The following HYCC1 variants were observed in gnomAD, a reference collection of about 807,000 sequenced individuals.
HYCC1 encodes the protein hyccin PI4KA lipid kinase complex subunit 1.
chr7:22,973,097 T>A, the HYCC1 span, among the ~76,000 whole-genome samples: 1 of 152,196 alleles, frequency 6.6e-6, no homozygotes, highest in Non-Finnish European at 1.5e-5. Flanking sequence ...AAAACAACTA[T>A]CACATGGCAA....
the HYCC1 span, among the ~76,000 whole-genome samples, chr7:22,970,641 T>C: frequency 6.6e-6 from 1 of 152,224 alleles, no homozygotes; most frequent in Non-Finnish European, 1.5e-5. Flanking sequence ...CAAAATAATC[T>C]AGTCCTATCC....
At chr7:22,960,174 T>G in the HYCC1 span, 2 of 1,392,628 alleles carry the variant, frequency 1.4e-6, no homozygotes, top group Non-Finnish European at 2.0e-6. Context: ...TTACTGAAGT[T>G]AGAAGTTATA....
chr7:22,961,197 TA>T, the HYCC1 span: 1 of 1,329,968 alleles, frequency 7.5e-7, no homozygotes, highest in Non-Finnish European at 1.1e-6. Context: ...TGAGAAATCT[TA>T]AATTATAACA....
At chr7:22,981,735 A>G in the HYCC1 span, among the ~76,000 whole-genome samples, 1 of 152,254 alleles carries the variant, frequency 6.6e-6, no homozygotes, top group Admixed American at 6.5e-5. Flanking sequence ...TATTGTTACA[A>G]GATCCAAGTG....
chr7:22,982,291 G>A, the HYCC1 span, among the ~76,000 whole-genome samples: 308 of 152,248 alleles, frequency 2.0e-3, 1 homozygote, highest in African/African-American at 7.0e-3. Flanking sequence ...GAAGAGACAA[G>A]ACAAATATGA....
the HYCC1 span, among the ~76,000 whole-genome samples, chr7:22,913,624 T>G: frequency 6.6e-6 from 1 of 152,340 alleles, no homozygotes; most frequent in Non-Finnish European, 1.5e-5. Flanking sequence ...AGCTCCCTTG[T>G]GACCCCTGCC....
chr7:22,999,129 T>C, the HYCC1 span, among the ~76,000 whole-genome samples: 1 of 152,192 alleles, frequency 6.6e-6, no homozygotes, highest in Non-Finnish European at 1.5e-5. Context: ...ATGCAGATAA[T>C]CTTGACTTAG....
chr7:22,926,115 T>C, the HYCC1 span, among the ~76,000 whole-genome samples: 1 of 150,542 alleles, frequency 6.6e-6, no homozygotes, highest in Non-Finnish European at 1.5e-5. Context: ...CAAAATACTT[T>C]ACAGACAAGC....
chr7:22,930,334 G>A, the HYCC1 span, among the ~76,000 whole-genome samples: 3,568 of 83,100 alleles, frequency 0.043, 148 homozygotes, highest in African/African-American at 0.16. Context: ...CTAAAACTTA[G>A]AAGTATAATA....
At chr7:22,924,624 A>G in the HYCC1 span, among the ~76,000 whole-genome samples, 77 of 152,340 alleles carry the variant, frequency 5.1e-4, no homozygotes, top group Non-Finnish European at 9.3e-4. Context: ...AGGCGGCAGC[A>G]AGGCTGGGGG....
chr7:22,940,240 T>G, the HYCC1 span: 9 of 12,896 alleles, frequency 7.0e-4, no homozygotes, highest in African/African-American at 2.4e-3. Flanking sequence ...GGTTCTGTTT[T>G]TTTTTTTTTT....
At chr7:22,908,426 G>A in the HYCC1 span, among the ~76,000 whole-genome samples, 2 of 152,284 alleles carry the variant, frequency 1.3e-5, no homozygotes, top group African/African-American at 2.4e-5. Context: ...CATTTCTTTT[G>A]CTTGTGATTT....
chr7:22,955,095 GAACA>G, the HYCC1 span, among the ~76,000 whole-genome samples: 1 of 151,392 alleles, frequency 6.6e-6, no homozygotes, highest in South Asian at 2.1e-4. Context: ...CAGTATCACA[GAACA>G]TACAAAAAAT....
At chr7:22,917,895 G>A in the HYCC1 span, among the ~76,000 whole-genome samples, 1 of 151,942 alleles carries the variant, frequency 6.6e-6, no homozygotes, top group Non-Finnish European at 1.5e-5. Flanking sequence ...CCATTCTTAT[G>A]CCATCCTCTA....
At chr7:22,937,334 G>A in the HYCC1 span, 1 of 152,194 alleles carries the variant, frequency 6.6e-6, no homozygotes, top group African/African-American at 2.4e-5. Context: ...AGAATTCAGT[G>A]TTGAAGTTAG....
At chr7:22,924,084 T>A in the HYCC1 span, among the ~76,000 whole-genome samples, 4 of 127,876 alleles carry the variant, frequency 3.1e-5, no homozygotes, top group East Asian at 6.8e-4. Flanking sequence ...GAAGCTGAGG[T>A]GTGAGAATTG....
the HYCC1 span, among the ~76,000 whole-genome samples, chr7:22,928,566 C>T: frequency 6.6e-5 from 10 of 151,948 alleles, no homozygotes; most frequent in East Asian, 1.9e-4. Context: ...AGCCAAATCA[C>T]GAGTGAACTC....
At chr7:22,925,527 T>C in the HYCC1 span, among the ~76,000 whole-genome samples, 1 of 151,880 alleles carries the variant, frequency 6.6e-6, no homozygotes, top group Non-Finnish European at 1.5e-5. Context: ...GAGAACTACG[T>C]GACAAATGCA....
At chr7:22,982,297 T>C in the HYCC1 span, among the ~76,000 whole-genome samples, 4 of 152,276 alleles carry the variant, frequency 2.6e-5, no homozygotes, top group African/African-American at 9.6e-5. Flanking sequence ...ACAAGACAAA[T>C]ATGATTCTTC....
Sources: gnomAD v4.1 joint callset for allele counts (sites outside exome capture counted in the v4.1 genomes callset) on GRCh38, gnomAD v4.1.1 for gene constraint, MANE v1.5 for transcripts, NCBI Gene and HGNC (gene_info 2026-07-23, HGNC 2026-07-21) for gene names.